Variants in EHBP1 observed in about 807,000 individuals in gnomAD.
The protein encoded by EHBP1 is EH domain-binding protein 1.
EHBP1 carries 55 observed loss-of-function variants against 144.0 expected under a neutral mutation model. That is an observed-to-expected ratio of 0.38 (90% CI 0.31 to 0.48). EHBP1 has a LOEUF of 0.48. EHBP1 is among the 20% of genes least tolerant of loss of function. The pLI, the probability that EHBP1 is intolerant of heterozygous loss-of-function variation, is 0.98. For synonymous variants in EHBP1, 469 were observed against 472.7 expected (o/e 0.99, Z 0.10); for missense variants, 1,200 against 1,364.2 (o/e 0.88, Z 1.90).
At chr2:62,677,399 G>A (rs558449305) in intron 1 of EHBP1, among the ~76,000 whole-genome samples, 1 of 151,938 alleles carries the variant, frequency 6.6e-6, no homozygotes, top group African/African-American at 2.4e-5. Flanking sequence ...ATATGTGTGG[G>A]TTACATGAGA....
At chr2:62,960,856 A>G (rs1413147477) in intron 14 of EHBP1, among the ~76,000 whole-genome samples, 1 of 152,212 alleles carries the variant, frequency 6.6e-6, no homozygotes. Context: ...CCACTTGGGT[A>G]CTTAAGCTTA....
intron 5 of EHBP1, among the ~76,000 whole-genome samples, chr2:62,805,613 C>G (rs2044386706): frequency 6.6e-6 from 1 of 152,078 alleles, no homozygotes; most frequent in South Asian, 2.1e-4. Context: ...CTCCAAGGTT[C>G]AGGCAATTCT....
At chr2:63,001,561 C>T (rs1305579843) in intron 19 of EHBP1, among the ~76,000 whole-genome samples, 1 of 152,054 alleles carries the variant, frequency 6.6e-6, no homozygotes. Context: ...ATATTTTTTG[C>T]ATGCTTATTA....
At chr2:62,840,899 A>C (rs574226564) in intron 7 of EHBP1, among the ~76,000 whole-genome samples, 5 of 152,270 alleles carry the variant, frequency 3.3e-5, no homozygotes, top group East Asian at 1.9e-4. Context: ...GTGGGACTGT[A>C]AACTAGTTCA....
At chr2:62,926,362 T>A (rs889562031) in intron 10 of EHBP1, among the ~76,000 whole-genome samples, 11 of 152,086 alleles carry the variant, frequency 7.2e-5, no homozygotes, top group Non-Finnish European at 2.9e-5. Context: ...AAAAAGCTTC[T>A]GCACAGCAAA....
At chr2:62,801,503 T>G (rs1012764827) in intron 5 of EHBP1, among the ~76,000 whole-genome samples, 1 of 152,242 alleles carries the variant, frequency 6.6e-6, no homozygotes, top group African/African-American at 2.4e-5. Context: ...GTTATGTGTT[T>G]AAATTTTTTT....
At chr2:62,811,494 CAG>C (rs1027044765) in intron 5 of EHBP1, among the ~76,000 whole-genome samples, 3 of 152,150 alleles carry the variant, frequency 2.0e-5, no homozygotes, top group African/African-American at 7.2e-5. Context: ...AGTGTTATCA[CAG>C]AGTTAAATGA....
chr2:62,881,575 T>C (rs2051426572), intron 10 of EHBP1: 5 of 152,154 alleles, frequency 3.3e-5, no homozygotes. Flanking sequence ...AATCATCCTT[T>C]GACAAATGAA....
At chr2:62,890,979 A>G (rs1469137835) in intron 10 of EHBP1, among the ~76,000 whole-genome samples, 1 of 152,104 alleles carries the variant, frequency 6.6e-6, no homozygotes, top group Non-Finnish European at 1.5e-5. Context: ...GGAGTCTGAC[A>G]CCAGCCTGGC....
intron 19 of EHBP1, among the ~76,000 whole-genome samples, 195 bp downstream of exon 19, chr2:62,996,961 C>G (rs1190006523): frequency 6.6e-6 from 1 of 152,052 alleles, no homozygotes; most frequent in Non-Finnish European, 1.5e-5. Flanking sequence ...ATAACTCGCC[C>G]TGATACCGTG....
intron 14 of EHBP1, among the ~76,000 whole-genome samples, chr2:62,974,864 T>C (rs753652430): frequency 3.3e-5 from 5 of 152,190 alleles, no homozygotes; most frequent in African/African-American, 4.8e-5. Context: ...GTGGTGTTAC[T>C]TAAGCATATG....
chr2:62,696,299 T>A (rs1437656573), intron 1 of EHBP1, among the ~76,000 whole-genome samples: 1 of 151,778 alleles, frequency 6.6e-6, no homozygotes, highest in Non-Finnish European at 1.5e-5. Context: ...GCCTCCCAAG[T>A]AGCTGGGATT....
chr2:62,893,321 G>A (rs887116168), intron 10 of EHBP1, among the ~76,000 whole-genome samples: 2 of 151,984 alleles, frequency 1.3e-5, no homozygotes, highest in African/African-American at 4.8e-5. Flanking sequence ...TCTCATGCGC[G>A]ATCGTTCTCA....
intron 2 of EHBP1, among the ~76,000 whole-genome samples, chr2:62,710,187 C>T (rs1375292050): frequency 6.6e-6 from 1 of 152,040 alleles, no homozygotes; most frequent in Non-Finnish European, 1.5e-5. Flanking sequence ...TATGAGTTCT[C>T]AAAGGCTTTA....
intron 10 of EHBP1, among the ~76,000 whole-genome samples, chr2:62,897,291 C>T (rs2053016244): frequency 1.3e-5 from 2 of 152,198 alleles, no homozygotes; most frequent in Non-Finnish European, 2.9e-5. Flanking sequence ...ATATGGAGAG[C>T]TTCCTTATTC....
chr2:62,681,239 G>A (rs1159754689), intron 1 of EHBP1, among the ~76,000 whole-genome samples: 1 of 149,314 alleles, frequency 6.7e-6, no homozygotes, highest in Non-Finnish European at 1.5e-5. Flanking sequence ...CTGGGAGGTG[G>A]AGGTTGCAGT....
At chr2:62,790,535 G>T (rs2043102341) in intron 5 of EHBP1, among the ~76,000 whole-genome samples, 1 of 151,998 alleles carries the variant, frequency 6.6e-6, no homozygotes. Context: ...CTTTATATAA[G>T]GATTATGTAT....
chr2:62,770,129 C>T (rs1336845317), intron 4 of EHBP1, among the ~76,000 whole-genome samples: 3 of 151,982 alleles, frequency 2.0e-5, no homozygotes, highest in Admixed American at 2.0e-4. Context: ...CATGACAAAG[C>T]CACCAAAAGC....
intron 10 of EHBP1, among the ~76,000 whole-genome samples, chr2:62,901,818 C>G (rs1354099930): frequency 6.6e-6 from 1 of 151,778 alleles, no homozygotes; most frequent in African/African-American, 2.4e-5. Context: ...ATATGGAAAT[C>G]AGCAGGGCGT....
Sources: gnomAD v4.1 joint callset for allele counts (sites outside exome capture counted in the v4.1 genomes callset) on GRCh38, gnomAD v4.1.1 for gene constraint, MANE v1.5 for transcripts, NCBI Gene and HGNC (gene_info 2026-07-23, HGNC 2026-07-21) for gene names.